Variants in CACNA1C observed in about 807,000 individuals in gnomAD.
The protein encoded by CACNA1C is calcium voltage-gated channel subunit alpha1 C.
A neutral mutation model predicts 229.0 loss-of-function variants in CACNA1C; 30 were observed. That is an observed-to-expected ratio of 0.13 (90% CI 0.10 to 0.18). The LOEUF is 0.18. Among genes scored for constraint, CACNA1C ranks in the 10% least tolerant of loss-of-function variants. The probability of loss-of-function intolerance (pLI) is 1.00; values close to 1 mark genes in which losing one functional copy is unlikely to be tolerated. For synonymous variants in CACNA1C, 1,114 were observed against 1,132.5 expected (o/e 0.98, Z 0.33); for missense variants, 1,658 against 2,845.0 (o/e 0.58, Z 9.49).
At position 2,053,329 on chromosome 12, in the gene CACNA1C, A is replaced by G; in HGVS notation, c.-234A>G. The G allele has an allele frequency of 1.6e-6, 2 of 1,282,292 alleles. No homozygotes were observed. The highest frequency in any genetic ancestry group is 2.0e-6 in the Non-Finnish European group (2 of 1,011,880). The allele number at this position is 1,282,292 out of a possible 1,614,324, so 79.4% of individuals were successfully genotyped here. A position where few individuals can be genotyped will look rare whatever the true frequency, so the allele number is the denominator to read the frequency against. On this transcript the variant is annotated 5_prime_UTR_variant, in exon 1 of 47. Coordinates refer to ENST00000399655, the MANE Select transcript of CACNA1C (RefSeq NM_000719.7). The surrounding 1 kb of genome is among the most constrained non-coding windows in gnomAD (Gnocchi z 5.8). ...GGCCCGGATGTACTGAGGATGCGTT[A>G]CAGTTTCACTCGAGGAGGCAGTAGT...
Position 2,581,728 on chromosome 12 carries a change from C to T in CACNA1C, c.2034C>T (p.Asn678=). The change falls in exon 14 of 47, where the codon AAC becomes AAT. Residue 678 remains asparagine (N), a synonymous_variant. Coordinates refer to ENST00000399655, the MANE Select transcript of CACNA1C (RefSeq NM_000719.7). ...TGCAGCTCTTTGGAGGAAAGTTCAA[C>T]TTTGATGAGATGCAGACCCGGAGGA... is the stretch of plus-strand genomic sequence containing the variant. The part of the protein sequence containing the change: ...LGMQLFGGKF[N]FDEMQTRRST... 1 of 1,613,650 alleles carries T rather than the reference C, an allele frequency of 6.2e-7. No homozygotes were observed. Among genetic ancestry groups the T allele is most frequent in the South Asian group, 1.1e-5 (1 of 91,016 alleles).
chr12:2,633,587 A>G lies in CACNA1C; in HGVS notation c.3829-710A>G. 1 of 1,095,120 alleles carries G rather than the reference A, an allele frequency of 9.1e-7. No individual in the cohort carries two copies. Among genetic ancestry groups the G allele is most frequent in the Non-Finnish European group, 1.4e-6 (1 of 706,110 alleles). 67.8% of individuals were successfully genotyped at this position (1,095,120 alleles called of 1,614,324 possible). ...GTTGCTCTGTTCTTGTCTGTCTAATATTCCTTTTTAATCCCCATCCTGCCT... is the reference window on the plus strand; with the variant it reads ...GTTGCTCTGTTCTTGTCTGTCTAATGTTCCTTTTTAATCCCCATCCTGCCT... On this transcript the variant is annotated intron_variant, in intron 29 of 46. Coordinates refer to ENST00000399655, the MANE Select transcript of CACNA1C (RefSeq NM_000719.7). This position sits in a 1 kb window ranked among gnomAD's most constrained non-coding sequence, Gnocchi z 5.8.
At chr12:2,684,936 C>G (rs1791526752) in intron 43 of CACNA1C, among the ~76,000 whole-genome samples, 1 of 152,100 alleles carries the variant, frequency 6.6e-6, no homozygotes, top group South Asian at 2.1e-4. Flanking sequence ...GCACCAGGGA[C>G]CAGTGAGTCA....
chr12:2,241,070 C>A (rs750371201), intron 3 of CACNA1C, among the ~76,000 whole-genome samples: 2 of 151,954 alleles, frequency 1.3e-5, no homozygotes, highest in African/African-American at 4.8e-5. Context: ...ATAACCAGTA[C>A]GAGGTGAGGG....
At chr12:2,237,959 A>C (rs2154370278) in intron 3 of CACNA1C, among the ~76,000 whole-genome samples, 1 of 152,336 alleles carries the variant, frequency 6.6e-6, no homozygotes, top group Admixed American at 6.5e-5. Flanking sequence ...GGCGACAATG[A>C]TAGGTTTTAG....
At chr12:2,341,161 G>A (rs960395363) in intron 3 of CACNA1C, among the ~76,000 whole-genome samples, 1 of 152,092 alleles carries the variant, frequency 6.6e-6, no homozygotes, top group Non-Finnish European at 1.5e-5. Context: ...GTGGCTTGGG[G>A]CAGTGAGGGG....
chr12:2,120,684 G>GTGTA lies in CACNA1C; in HGVS notation c.477+257_477+258insATGT, dbSNP rs765640240. Among the ~76,000 whole-genome samples, 982 of 151,404 alleles carry GTGTA rather than the reference G, an allele frequency of 6.5e-3. 7 individuals carry two copies. Among genetic ancestry groups the GTGTA allele is most frequent in the Middle Eastern group, 0.024 (7 of 294 alleles). ...TGTGTGTGTGTGTGTGTGTGTGTGT[G>GTGTA]TGTGTGTGTGTGTTTAGTAGCAAAT... On this transcript the variant is annotated intron_variant, in intron 3 of 46. Transcript: ENST00000399655.
At chr12:2,016,306 C>A (rs534787354) in intron 1 of CACNA1C, among the ~76,000 whole-genome samples, 2 of 152,208 alleles carry the variant, frequency 1.3e-5, no homozygotes, top group South Asian at 2.1e-4. Flanking sequence ...ATCAGTACAA[C>A]AAAATAAATA....
At chr12:2,272,731 A>C (rs2085657953) in intron 3 of CACNA1C, among the ~76,000 whole-genome samples, 1 of 152,224 alleles carries the variant, frequency 6.6e-6, no homozygotes, top group South Asian at 2.1e-4. Flanking sequence ...GTGAGATGAC[A>C]GCAAAAGGGC....
Position 1,993,344 on chromosome 12 carries a change from A to G in CACNA1C, c.139+22143A>G, listed in dbSNP as rs753504971. 4.1e-5 allele frequency: 66 copies of G among 1,613,980 alleles called. 1 individual carries two copies. In the South Asian group the frequency reaches 7.1e-4, roughly 17 times the overall value. On this transcript the variant is annotated intron_variant, in intron 1 of 46. Coordinates refer to the CACNA1C transcript ENST00000682462. ...AGTAATAGGTTCTGTCCTATTTTCCATGCTCAGCCTATTCATAATGGTGAA... is the reference window on the plus strand; with the variant it reads ...AGTAATAGGTTCTGTCCTATTTTCCGTGCTCAGCCTATTCATAATGGTGAA...
chr12:2,363,142 G>A (rs1468461740), intron 3 of CACNA1C, among the ~76,000 whole-genome samples: 1 of 152,132 alleles, frequency 6.6e-6, no homozygotes, highest in Non-Finnish European at 1.5e-5. Flanking sequence ...CCAAGAGCCA[G>A]TCCTGCATCC....
upstream of CACNA1C, among the ~76,000 whole-genome samples, chr12:2,050,432 A>G (rs187532963): frequency 4.5e-4 from 69 of 152,368 alleles, no homozygotes; most frequent in African/African-American, 1.6e-3. Context: ...TAAAGGGCCT[A>G]TCACAGTACC....
intron 3 of CACNA1C, among the ~76,000 whole-genome samples, chr12:2,391,894 G>A (rs2098485795): frequency 6.6e-6 from 1 of 152,228 alleles, no homozygotes; most frequent in Non-Finnish European, 1.5e-5. Flanking sequence ...CACTGGCTGT[G>A]TATCAGGTGC....
rs1565739579 is a variant in CACNA1C, at chr12:2,108,490, G to A, written c.50-6734G>A. Reference sequence around the variant, plus strand: ...AATAGATGCTTCCCCACCTGACGTAGTTTTGATTCAGTTCTTGATTGGCAA... The same window carrying A: ...AATAGATGCTTCCCCACCTGACGTAATTTTGATTCAGTTCTTGATTGGCAA... On this transcript the variant is annotated intron_variant, in intron 1 of 46. Transcript: ENST00000399655. This position sits in a 1 kb window ranked among gnomAD's most constrained non-coding sequence, Gnocchi z 5.3. Among the ~76,000 whole-genome samples, 1 of 152,224 alleles carries A rather than the reference G, an allele frequency of 6.6e-6. No homozygotes were observed. The highest frequency in any genetic ancestry group is 2.4e-5 in the African/African-American group (1 of 41,466).
intron 3 of CACNA1C, among the ~76,000 whole-genome samples, chr12:2,238,372 G>C (rs919914753): frequency 1.6e-4 from 24 of 152,280 alleles, no homozygotes; most frequent in African/African-American, 5.5e-4. Context: ...GCCAAAAACT[G>C]TCTCCTCACC....
chr12:2,294,486 T>TG (rs1260550703), intron 3 of CACNA1C, among the ~76,000 whole-genome samples: 2 of 144,204 alleles, frequency 1.4e-5, no homozygotes, highest in East Asian at 4.1e-4. Context: ...AAGGGTCACC[T>TG]GGGGCAGTGG....
intron 1 of CACNA1C, among the ~76,000 whole-genome samples, chr12:2,040,647 A>G (rs374508379): frequency 1.3e-5 from 2 of 152,342 alleles, no homozygotes; most frequent in East Asian, 1.9e-4. Flanking sequence ...TTTTCCAAAG[A>G]GGAATAAAAG....
Position 2,482,972 on chromosome 12 carries a change from A to G in CACNA1C, c.758-3132A>G, listed in dbSNP as rs188251147. Among the ~76,000 whole-genome samples, 258 of 152,294 alleles carry G rather than the reference A, an allele frequency of 1.7e-3. 1 individual carries two copies. The highest frequency in any genetic ancestry group is 5.9e-3 in the African/African-American group (244 of 41,572). On this transcript the variant is annotated intron_variant, in intron 5 of 46. Transcript: ENST00000399655. ...AATTTCTTCTAATGATTATTGAATG[A>G]TGTTATTTCCAATTCTTTCATTCTT... is the stretch of plus-strand genomic sequence containing the variant.
At chr12:2,615,005 G>T (rs960442369) in intron 29 of CACNA1C, 1 of 151,854 alleles carries the variant, frequency 6.6e-6, no homozygotes, top group Non-Finnish European at 1.5e-5. Flanking sequence ...AAGAAACTAG[G>T]AATCAACATA....
Sources: gnomAD v4.1 joint callset for allele counts (sites outside exome capture counted in the v4.1 genomes callset) on GRCh38, gnomAD v4.1.1 for gene constraint, Gnocchi (gnomAD v3.1) non-coding constraint, MANE v1.5 for transcripts, NCBI Gene and HGNC (gene_info 2026-07-23, HGNC 2026-07-21) for gene names.